Variants in DOP1B observed in about 807,000 individuals in gnomAD.
DOP1B encodes the protein DOP1 leucine zipper like protein B, also known as protein DOP1B.
Under a neutral mutation model 233.5 loss-of-function variants are expected in DOP1B, and 174 were observed. The observed-to-expected ratio is 0.75, with a 90% CI of 0.66 to 0.85. The LOEUF (loss-of-function observed/expected upper bound fraction) is 0.85, where lower values mean the gene tolerates loss of function less well. Among genes scored for constraint, DOP1B ranks in the 40% least tolerant of loss-of-function variants. DOP1B has a pLI of 0.00. For missense variants in DOP1B, 2,652 were observed against 2,846.6 expected (o/e 0.93, Z 1.56); for synonymous variants, 1,190 against 1,185.6 (o/e 1.00, Z -0.08).
At chr21:36,211,257 G>A (rs921601774) in intron 5 of DOP1B, among the ~76,000 whole-genome samples, 11 of 152,184 alleles carry the variant, frequency 7.2e-5, no homozygotes, top group African/African-American at 2.7e-4. Flanking sequence ...TTTAGTTTAA[G>A]GTTCCTGTTG....
intron 35 of DOP1B, 87 bp downstream of exon 35, chr21:36,289,293 GT>G: frequency 7.2e-7 from 1 of 1,384,926 alleles, no homozygotes; most frequent in Non-Finnish European, 1.0e-6. Context: ...TTCATGTACA[GT>G]TTATGGGAAA....
chr21:36,255,094 T>C (rs183217344), intron 23 of DOP1B, among the ~76,000 whole-genome samples: 39 of 151,436 alleles, frequency 2.6e-4, no homozygotes, highest in African/African-American at 8.0e-4. Context: ...GGAGTACAGG[T>C]GCATGCTATC....
At chr21:36,178,437 G>GA (rs58402277) in intron 2 of DOP1B, among the ~76,000 whole-genome samples, 35,196 of 137,298 alleles carry the variant, frequency 0.26, 4,493 homozygotes, top group African/African-American at 0.38. Context: ...AGTCTCTTAA[G>GA]AAAAAAAAAA....
At position 36,180,176 on chromosome 21, in the gene DOP1B, A is replaced by G. The variant is rs74732650; in HGVS notation, c.138+15305A>G. 2.1e-4 allele frequency among the ~76,000 whole-genome samples: 32 copies of G among 152,304 alleles called. No homozygotes were observed. In the East Asian group the frequency reaches 4.0e-3, roughly 19 times the overall value. ...GAGGGGGTTATTGATATTAACCATTATAGGTAATAACAATTTAGATTATTC... is the reference window on the plus strand; with the variant it reads ...GAGGGGGTTATTGATATTAACCATTGTAGGTAATAACAATTTAGATTATTC... On this transcript the variant is annotated intron_variant, in intron 2 of 36. Coordinates refer to ENST00000691173, the MANE Select transcript of DOP1B (RefSeq NM_001320714.2).
At position 36,289,460 on chromosome 21, in the gene DOP1B, T is replaced by C. The variant is rs73902197; in HGVS notation, c.6515+254T>C. 0.43 allele frequency among the ~76,000 whole-genome samples: 64,008 copies of C among 148,216 alleles called. 13,793 individuals carry two copies. The highest frequency in any genetic ancestry group is 0.52 in the Middle Eastern group (149 of 286). On this transcript the variant is annotated intron_variant, in intron 35 of 36. Coordinates refer to ENST00000691173, the MANE Select transcript of DOP1B (RefSeq NM_001320714.2). ...GTGTGTGTGTGTGTGTGTGTGTGTG[T>C]GTGTGTGTGTGTGTGGTTTTTGCTA... is the stretch of plus-strand genomic sequence containing the variant.
chr21:36,206,838 G>A (rs1390626247), intron 4 of DOP1B, among the ~76,000 whole-genome samples: 1 of 152,104 alleles, frequency 6.6e-6, no homozygotes, highest in African/African-American at 2.4e-5. Flanking sequence ...CCATTAAATC[G>A]CCCTGCCTAC....
chr21:36,211,079 G>A (rs1395390306), intron 5 of DOP1B, among the ~76,000 whole-genome samples: 2 of 152,228 alleles, frequency 1.3e-5, no homozygotes, highest in East Asian at 3.8e-4. Context: ...TTCCCGTGGA[G>A]CATCATTGTT....
chr21:36,159,025 G>T (rs1368597668), intron 1 of DOP1B, among the ~76,000 whole-genome samples: 2 of 151,656 alleles, frequency 1.3e-5, no homozygotes, highest in African/African-American at 4.8e-5. Context: ...CCAGCTACTC[G>T]GGAGGCTGAG....
rs1568996068 is a variant in DOP1B at position 36,167,929 on chromosome 21, C to CTTTTTTTTTTTT, written c.138+3062_138+3063insTTTTTTTTTTTT. Among the ~76,000 whole-genome samples, 226 of 97,270 alleles carry CTTTTTTTTTTTT rather than the reference C, an allele frequency of 2.3e-3. 25 individuals carry two copies. The highest frequency in any genetic ancestry group is 4.6e-3 in the South Asian group (12 of 2,616). The allele number at this position is 97,270 out of a possible 152,430, so 63.8% of individuals were successfully genotyped here. On this transcript the variant is annotated intron_variant, in intron 2 of 36. Transcript: ENST00000691173. ...GGTAAGTCACATTTTCTTTTCTTTT[C>CTTTTTTTTTTTT]TTTTCTTTTTCTTTTTTTTTTTTTT...
Position 36,208,176 on chromosome 21 carries a change from G to A in DOP1B, c.492-539G>A, listed in dbSNP as rs79630409. Among the ~76,000 whole-genome samples the A allele has an allele frequency of 6.2e-4, 94 of 152,220 alleles. No individual in the cohort carries two copies. In the East Asian group the frequency reaches 6.9e-3, roughly 11 times the overall value. The stretch of plus-strand genomic sequence containing the variant: ...CCAGGCTGATGGAATTTGCAGGGTC[G>A]TGGGAGGCCCCAGGCAGATTTGCCC... On this transcript the variant is annotated intron_variant, in intron 4 of 36. Coordinates refer to ENST00000691173, the MANE Select transcript of DOP1B (RefSeq NM_001320714.2).
At chr21:36,159,932 C>G (rs929652259) in intron 1 of DOP1B, among the ~76,000 whole-genome samples, 1 of 152,196 alleles carries the variant, frequency 6.6e-6, no homozygotes, top group Non-Finnish European at 1.5e-5. Context: ...CTGACACTTA[C>G]GTGTCCCACA....
chr21:36,218,896 T>C (rs1441383022), intron 9 of DOP1B, among the ~76,000 whole-genome samples: 1 of 152,224 alleles, frequency 6.6e-6, no homozygotes, highest in East Asian at 1.9e-4. Flanking sequence ...CTCCAGCTCA[T>C]GACTAAAGGA....
chr21:36,176,103 T>TATGTGTGTGTGTGTGTGC (rs1029236168), intron 2 of DOP1B, among the ~76,000 whole-genome samples: 50,201 of 141,290 alleles, frequency 0.36, 8,515 homozygotes, highest in South Asian at 0.5. Flanking sequence ...TGTGCGTGTG[T>TATGTGTGTGTGTGTGTGC]GTGTGTGTGT....
chr21:36,164,675 C>T, intron 1 of DOP1B, 33 bp from the exon 2 acceptor site: 1 of 1,476,330 alleles, frequency 6.8e-7, no homozygotes, highest in Non-Finnish European at 9.0e-7. Flanking sequence ...CCAAATGGCT[C>T]TCTCATTTGG....
rs769822711 is a variant in DOP1B, at chr21:36,164,688, AT to A, written c.-26-14del. 4.0e-6 allele frequency: 6 copies of A among 1,513,800 alleles called. No homozygotes were observed. Among genetic ancestry groups the A allele is most frequent in the South Asian group, 2.6e-5 (2 of 77,080 alleles). The allele number at this position is 1,513,800 out of a possible 1,614,324, so 93.8% of individuals were successfully genotyped here. ...CCCCAAATGGCTCTCTCATTTGGTT[AT>A]TTTTTGATTTGCTTTTAGATACTTT... On this transcript the variant is annotated intron_variant, in intron 1 of 36. Transcript: ENST00000691173.
chr21:36,164,870 A>G lies in DOP1B; in HGVS notation c.137A>G (p.Lys46Arg). 1.9e-6 allele frequency: 3 copies of G among 1,608,794 alleles called. No individual in the cohort carries two copies. Among genetic ancestry groups the G allele is most frequent in the Non-Finnish European group, 2.5e-6 (3 of 1,177,806 alleles). Residue 46 changes from lysine to arginine, a missense_variant and splice_region_variant, in exon 2 of 37, where the codon AAG (lysine) becomes AGG (arginine). Lys to Arg is a conservative substitution (Grantham distance 26, BLOSUM62 2). Transcript: ENST00000691173. ...ATATCTTCACTTGGCAAACTCAACA[A>G]GGTATGTAGGGTGTATCCTATTTGG... ...DLISSLGKLN[K>R]ALQSNLRYSL...
chr21:36,191,255 GAA>G (rs10599369), intron 2 of DOP1B, among the ~76,000 whole-genome samples: 33,343 of 141,336 alleles, frequency 0.24, 4,137 homozygotes, highest in African/African-American at 0.33. Flanking sequence ...AAACAAGTCA[GAA>G]AAAAAAAAAA....
intron 2 of DOP1B, among the ~76,000 whole-genome samples, 198 bp from the exon 3 acceptor site, chr21:36,198,872 G>T (rs559033956): frequency 6.6e-6 from 1 of 152,188 alleles, no homozygotes; most frequent in African/African-American, 2.4e-5. Context: ...GAAAGTCCTT[G>T]TGCCTGCCTC....
intron 2 of DOP1B, among the ~76,000 whole-genome samples, chr21:36,182,560 G>A (rs746871725): frequency 2.0e-5 from 3 of 152,116 alleles, no homozygotes; most frequent in South Asian, 2.1e-4. Flanking sequence ...CTGGCAGGGC[G>A]TGCTGGTTCA....
Sources: gnomAD v4.1 joint callset for allele counts (sites outside exome capture counted in the v4.1 genomes callset) on GRCh38, gnomAD v4.1.1 for gene constraint, MANE v1.5 for transcripts, NCBI Gene and HGNC (gene_info 2026-07-23, HGNC 2026-07-21) for gene names.